CHD5: variants seen among roughly 807,000 people sequenced by gnomAD.
CHD5 encodes the protein ATP-dependent chromatin remodeler CHD5.
CHD5 carries 69 observed loss-of-function variants against 230.3 expected under a neutral mutation model. The observed-to-expected ratio is 0.30, with a 90% CI of 0.25 to 0.37. The LOEUF (loss-of-function observed/expected upper bound fraction) is 0.37. Among genes scored for constraint, CHD5 ranks in the 10% least tolerant of loss-of-function variants. The probability of loss-of-function intolerance (pLI) is 1.00; values close to 1 mark genes in which losing one functional copy is unlikely to be tolerated. For synonymous variants in CHD5, 1,064 were observed against 1,065.9 expected (o/e 1.00, Z 0.03); for missense variants, 1,827 against 2,622.8 (o/e 0.70, Z 6.63).
At chr1:6,123,694 C>T (rs1666507629) in intron 31 of CHD5, among the ~76,000 whole-genome samples, 1 of 49,174 alleles carries the variant, frequency 2.0e-5, no homozygotes, top group African/African-American at 4.3e-5. Flanking sequence ...TCCTAAAGTG[C>T]TGTGATTAAC....
intron 1 of CHD5, among the ~76,000 whole-genome samples, chr1:6,173,699 C>T (rs994082245): frequency 2.0e-5 from 3 of 152,100 alleles, no homozygotes; most frequent in African/African-American, 7.2e-5. Context: ...CCAGCGAGAC[C>T]CAGGAGGGTC....
In CHD5 at chr1:6,136,884, T is replaced by C. The variant is rs1186294305; in HGVS notation, c.2437-19A>G. The C allele has an allele frequency of 4.4e-6, 7 of 1,594,862 alleles. No individual in the cohort carries two copies. The highest frequency in any genetic ancestry group is 3.4e-5 in the South Asian group (3 of 88,774). ...CTTCTTTCTGGAGAAAAGAGGGGCA[T>C]TGGGGATGAGACGGCTGGGAGCAGA... On this transcript the variant is annotated intron_variant, in intron 15 of 41. Transcript: ENST00000262450.
chr1:6,143,531 G>A (rs374892181), intron 13 of CHD5, among the ~76,000 whole-genome samples: 13 of 152,272 alleles, frequency 8.5e-5, no homozygotes, highest in African/African-American at 2.6e-4. Context: ...ACTGGCCCTC[G>A]TCTCCTCAGG....
At position 6,130,190 on chromosome 1, in the gene CHD5, G is replaced by C. The variant is rs747816329; in HGVS notation, c.3387+14C>G. ...AGGCCCCCTGGGAGGGTGGTGGGCG[G>C]CAGCAGCACAGACCTGGATGTCATT... On this transcript the variant is annotated intron_variant, in intron 22 of 41. Transcript: ENST00000262450. The surrounding 1 kb of genome is among the most constrained non-coding windows in gnomAD (Gnocchi z 4.9). 50 of 1,613,106 alleles carry C rather than the reference G, an allele frequency of 3.1e-5. No individual in the cohort carries two copies. The South Asian group carries it at 5.1e-4, about 16-fold the overall frequency.
Position 6,105,201 on chromosome 1 carries a change from T to C in CHD5, c.*273A>G, listed in dbSNP as rs1248745249. Reference sequence around the variant, plus strand: ...CTTCTAAGAAGTCGTCTGGAAAAGGTGGCGAGGGGGCACGTCCGGCGTGGT... The same window carrying C: ...CTTCTAAGAAGTCGTCTGGAAAAGGCGGCGAGGGGGCACGTCCGGCGTGGT... On this transcript the variant is annotated 3_prime_UTR_variant, in exon 42 of 42. Transcript: ENST00000262450. This position sits in a 1 kb window ranked among gnomAD's most constrained non-coding sequence, Gnocchi z 4.8. 12 of 348,154 alleles carry C rather than the reference T, an allele frequency of 3.4e-5. No individual in the cohort carries two copies. The highest frequency in any genetic ancestry group is 6.4e-5 in the Non-Finnish European group (11 of 171,306). The allele number at this position is 348,154 out of a possible 1,614,324, so 21.6% of individuals were successfully genotyped here.
intron 36 of CHD5, 87 bp from the exon 37 acceptor site, chr1:6,110,613 G>GC (rs1396347882): frequency 7.1e-7 from 1 of 1,405,730 alleles, no homozygotes; most frequent in Admixed American, 1.9e-5. Context: ...GGAGGGGCCA[G>GC]CCCGGGGGTC....
chr1:6,142,353 A>G lies in CHD5; in HGVS notation c.2236-25T>C, dbSNP rs376402175. The G allele has an allele frequency of 5.6e-6, 9 of 1,596,974 alleles. No homozygotes were observed. In the African/African-American group the frequency reaches 1.1e-4, roughly 19 times the overall value. On this transcript the variant is annotated intron_variant, in intron 14 of 41. Coordinates refer to ENST00000262450, the MANE Select transcript of CHD5 (RefSeq NM_015557.3). The surrounding 1 kb of genome is among the most constrained non-coding windows in gnomAD (Gnocchi z 5.2). ...CCTGGAGAGAGAGGCCGATGCCGTGAGACCACCTGCCCTTGGCCAGGACCA... is the reference window on the plus strand; with the variant it reads ...CCTGGAGAGAGAGGCCGATGCCGTGGGACCACCTGCCCTTGGCCAGGACCA...
At chr1:6,147,429 G>A (rs184580921) in intron 9 of CHD5, among the ~76,000 whole-genome samples, 1 of 152,322 alleles carries the variant, frequency 6.6e-6, no homozygotes, top group East Asian at 1.9e-4. Flanking sequence ...CCCCATCTCT[G>A]GCAGCCCACA....
At position 6,154,946 on chromosome 1, in the gene CHD5, G is replaced by A. The variant is rs371061750; in HGVS notation, c.507-48C>T. ...GTGAGGGCAAGGCCAGGTGAGATGAGAGGCCCACCCGACCCCCGGCAGGGC... is the reference window on the plus strand; with the variant it reads ...GTGAGGGCAAGGCCAGGTGAGATGAAAGGCCCACCCGACCCCCGGCAGGGC... On this transcript the variant is annotated intron_variant, in intron 4 of 41. Coordinates refer to ENST00000262450, the MANE Select transcript of CHD5 (RefSeq NM_015557.3). The surrounding 1 kb of genome is among the most constrained non-coding windows in gnomAD (Gnocchi z 7.0). 2.2e-5 allele frequency: 34 copies of A among 1,547,296 alleles called. No homozygotes were observed. Among genetic ancestry groups the A allele is most frequent in the Admixed American group, 3.5e-5 (2 of 56,762 alleles).
At chr1:6,166,286 G>C (rs1667253659) in intron 2 of CHD5, among the ~76,000 whole-genome samples, 1 of 147,084 alleles carries the variant, frequency 6.8e-6, no homozygotes, top group Non-Finnish European at 1.5e-5. Context: ...TCGGGGGCAG[G>C]GGCTTGGAGT....
chr1:6,117,630 T>C (rs1464608006), intron 33 of CHD5, among the ~76,000 whole-genome samples: 1 of 152,238 alleles, frequency 6.6e-6, no homozygotes. Context: ...ACAAAGGATC[T>C]GAAAGGACAT....
intron 33 of CHD5, among the ~76,000 whole-genome samples, chr1:6,117,854 C>CAA (rs1273933504): frequency 6.6e-6 from 1 of 152,094 alleles, no homozygotes; most frequent in African/African-American, 2.4e-5. Flanking sequence ...TGAACTGATG[C>CAA]AATACACATG....
chr1:6,137,401 C>T (rs1666762962), intron 15 of CHD5, among the ~76,000 whole-genome samples: 1 of 152,210 alleles, frequency 6.6e-6, no homozygotes, highest in South Asian at 2.1e-4. Flanking sequence ...GCCACCACGA[C>T]CAGCCCTGGC....
chr1:6,166,789 A>T (rs4908849), intron 2 of CHD5, among the ~76,000 whole-genome samples: 34,792 of 151,702 alleles, frequency 0.23, 6,350 homozygotes, highest in African/African-American at 0.51. Context: ...CATCTCTCCC[A>T]CCCCAGGGCC....
chr1:6,159,173 A>G (rs1258057555), intron 3 of CHD5, among the ~76,000 whole-genome samples, 163 bp downstream of exon 3: 1 of 151,784 alleles, frequency 6.6e-6, no homozygotes, highest in Admixed American at 6.6e-5. Context: ...AGGCGGTTGC[A>G]GTGAGCCGAG....
At chr1:6,135,169 A>C in intron 18 of CHD5, 61 bp downstream of exon 18, 1 of 1,596,538 alleles carries the variant, frequency 6.3e-7, no homozygotes, top group African/African-American at 1.3e-5. Flanking sequence ...GAATCGACCC[A>C]GGAGACCAGC....
chr1:6,125,455 C>G lies in CHD5; in HGVS notation c.4260+69G>C. On this transcript the variant is annotated intron_variant, in intron 28 of 41. Coordinates refer to ENST00000262450, the MANE Select transcript of CHD5 (RefSeq NM_015557.3). This position sits in a 1 kb window ranked among gnomAD's most constrained non-coding sequence, Gnocchi z 6.7. ...CATGAGACCCGGGGCAGTCCCCCAG[C>G]CCTCCTCCATACCCCAGGGGCAGCA... 4.0e-6 allele frequency: 6 copies of G among 1,482,618 alleles called. No homozygotes were observed. The highest frequency in any genetic ancestry group is 5.5e-6 in the Non-Finnish European group (6 of 1,087,066). The allele number at this position is 1,482,618 out of a possible 1,614,324, so 91.8% of individuals were successfully genotyped here. A position where few individuals can be genotyped will look rare whatever the true frequency, so the allele number is the denominator to read the frequency against.
chr1:6,156,971 C>T (rs1223479371), intron 3 of CHD5, among the ~76,000 whole-genome samples: 2 of 152,264 alleles, frequency 1.3e-5, no homozygotes, highest in African/African-American at 4.8e-5. Context: ...ACTTAACTTT[C>T]CTGCCTCGGT....
chr1:6,142,267 C>T lies in CHD5; in HGVS notation c.2297G>A (p.Arg766His), dbSNP rs1666840312. The change falls in exon 15 of 42, where the codon CGC (arginine) becomes CAC (histidine). Residue 766 changes from arginine to histidine, a missense_variant. Arg to His is a conservative substitution (Grantham distance 29, BLOSUM62 0). Transcript: ENST00000262450. This position sits in a 1 kb window ranked among gnomAD's most constrained non-coding sequence, Gnocchi z 5.2. ...APLSTIINWEREFEMWAPDFY... is the reference protein window; with the variant it reads ...APLSTIINWEHEFEMWAPDFY... The stretch of plus-strand genomic sequence containing the variant: ...GTCGGGCGCCCACATCTCAAACTCG[C>T]GTTCCCAGTTGATGATGGTGGAGAG... 1 of 1,613,766 alleles carries T rather than the reference C, an allele frequency of 6.2e-7. No individual in the cohort carries two copies. Among genetic ancestry groups the T allele is most frequent in the Non-Finnish European group, 8.5e-7 (1 of 1,179,754 alleles).
Sources: allele counts gnomAD v4.1 joint callset (sites outside exome capture counted in the v4.1 genomes callset), GRCh38; gene constraint gnomAD v4.1.1; non-coding constraint Gnocchi (gnomAD v3.1); transcripts MANE v1.5; gene names NCBI Gene and HGNC (gene_info 2026-07-23, HGNC 2026-07-21).